Variants in CA10 observed in about 807,000 individuals in gnomAD.
CA10 encodes carbonic anhydrase 10 (inactive), also known as carbonic anhydrase-related protein 10.
A neutral mutation model predicts 44.2 loss-of-function variants in CA10; 14 were observed. That is an observed-to-expected ratio of 0.32 (90% CI 0.21 to 0.50). The LOEUF is 0.50. Among genes scored for constraint, CA10 ranks in the 20% least tolerant of loss-of-function variants. The pLI is 0.99. For missense variants in CA10, 350 were observed against 409.7 expected (o/e 0.85, Z 1.26); for synonymous variants, 159 against 141.6 (o/e 1.12, Z -0.87).
chr17:51,953,170 T>A (rs990277333), intron 2 of CA10, among the ~76,000 whole-genome samples: 1 of 152,174 alleles, frequency 6.6e-6, no homozygotes, highest in African/African-American at 2.4e-5. Flanking sequence ...TGTTTTTACA[T>A]TGAAATATTT....
chr17:51,700,074 G>T (rs549589010), intron 4 of CA10, among the ~76,000 whole-genome samples: 1 of 152,226 alleles, frequency 6.6e-6, no homozygotes, highest in East Asian at 1.9e-4. Context: ...CATGGTTGTG[G>T]CCATCAGGTG....
chr17:51,671,701 G>A (rs9889853), intron 4 of CA10, among the ~76,000 whole-genome samples: 1,661 of 152,252 alleles, frequency 0.011, 37 homozygotes, highest in African/African-American at 0.038. Flanking sequence ...ACCACGCCCG[G>A]CCACATTTGG....
At chr17:51,933,684 A>G (rs1169591160) in intron 2 of CA10, among the ~76,000 whole-genome samples, 4 of 152,140 alleles carry the variant, frequency 2.6e-5, no homozygotes, top group Non-Finnish European at 5.9e-5. Context: ...AACCTCTTTG[A>G]CAATGAAGAC....
intron 3 of CA10, among the ~76,000 whole-genome samples, chr17:51,793,367 A>G (rs1228245776): frequency 6.6e-6 from 1 of 152,236 alleles, no homozygotes; most frequent in African/African-American, 2.4e-5. Flanking sequence ...GGGTGGGTTT[A>G]GGGTTATTTG....
At chr17:52,086,232 C>G (rs146926495) in intron 1 of CA10, among the ~76,000 whole-genome samples, 1 of 152,096 alleles carries the variant, frequency 6.6e-6, no homozygotes, top group African/African-American at 2.4e-5. Flanking sequence ...AGTTTACCTG[C>G]GAGAACAGGC....
intron 4 of CA10, among the ~76,000 whole-genome samples, chr17:51,658,639 G>C (rs2143302450): frequency 6.6e-6 from 1 of 152,280 alleles, no homozygotes; most frequent in African/African-American, 2.4e-5. Flanking sequence ...CTCAAGATGG[G>C]ACCAGTTCAT....
intron 4 of CA10, among the ~76,000 whole-genome samples, chr17:51,690,110 G>A (rs1368855893): frequency 6.6e-6 from 1 of 152,106 alleles, no homozygotes; most frequent in East Asian, 1.9e-4. Flanking sequence ...AACACACCCA[G>A]CTAATTTTTG....
intron 3 of CA10, among the ~76,000 whole-genome samples, chr17:51,904,103 T>G (rs922679555): frequency 2.0e-5 from 3 of 151,694 alleles, no homozygotes; most frequent in Non-Finnish European, 4.4e-5. Context: ...TTGCTCAGGA[T>G]GGAGGGGCTT....
chr17:52,083,328 A>G (rs1183098434), intron 1 of CA10, among the ~76,000 whole-genome samples: 1 of 152,208 alleles, frequency 6.6e-6, no homozygotes, highest in Non-Finnish European at 1.5e-5. Context: ...GTGTGAAATG[A>G]TGGAAAATAC....
intron 2 of CA10, among the ~76,000 whole-genome samples, chr17:52,018,368 C>G (rs956836534): frequency 6.6e-6 from 1 of 152,142 alleles, no homozygotes; most frequent in Non-Finnish European, 1.5e-5. Flanking sequence ...CCCTGCAAAG[C>G]CATAGGGACA....
chr17:51,866,176 C>G (rs1158938541), intron 3 of CA10, among the ~76,000 whole-genome samples: 1 of 152,214 alleles, frequency 6.6e-6, no homozygotes, highest in Non-Finnish European at 1.5e-5. Flanking sequence ...CCTAGTCTGA[C>G]TCATTCTGGT....
chr17:51,882,714 A>T (rs887581847), intron 3 of CA10, among the ~76,000 whole-genome samples: 1 of 152,088 alleles, frequency 6.6e-6, no homozygotes, highest in Admixed American at 6.6e-5. Flanking sequence ...TTCCTACACA[A>T]ACAACTTCAC....
chr17:51,744,267 A>G lies in CA10; in HGVS notation c.465+3366T>C, dbSNP rs527448070. On this transcript the variant is annotated intron_variant, in intron 4 of 8. Transcript: ENST00000451037. ...GAGGTGGAGGTTGCAGTGAACCGAG[A>G]TCATGGCACTGCACTTCAGCCTGGG... Among the ~76,000 whole-genome samples, 116 of 151,832 alleles carry G rather than the reference A, an allele frequency of 7.6e-4. 2 individuals carry two copies. The South Asian group carries it at 0.022, about 28-fold the overall frequency.
chr17:51,674,302 C>A (rs1914537909), intron 4 of CA10, among the ~76,000 whole-genome samples: 1 of 152,178 alleles, frequency 6.6e-6, no homozygotes, highest in Non-Finnish European at 1.5e-5. Flanking sequence ...ACAAGCACAA[C>A]CACTGCAGGG....
chr17:51,854,119 C>T (rs371767953), intron 3 of CA10, among the ~76,000 whole-genome samples: 3 of 152,176 alleles, frequency 2.0e-5, no homozygotes, highest in South Asian at 2.1e-4. Flanking sequence ...ACCTTCATCT[C>T]GCCAAGATTC....
chr17:51,936,144 G>C (rs901010120), intron 2 of CA10, among the ~76,000 whole-genome samples: 2 of 152,142 alleles, frequency 1.3e-5, no homozygotes, highest in African/African-American at 4.8e-5. Flanking sequence ...AGGCATTAGG[G>C]TTGGCACTGA....
At chr17:51,893,301 G>T (rs1043648547) in intron 3 of CA10, among the ~76,000 whole-genome samples, 8 of 152,134 alleles carry the variant, frequency 5.3e-5, no homozygotes, top group African/African-American at 1.9e-4. Flanking sequence ...CGAAGCCAGG[G>T]TTATAGTAAA....
At chr17:51,780,754 T>C (rs951443788) in intron 3 of CA10, among the ~76,000 whole-genome samples, 3 of 152,172 alleles carry the variant, frequency 2.0e-5, no homozygotes, top group Non-Finnish European at 2.9e-5. Flanking sequence ...TCTTATTATG[T>C]CCTGGTGAAA....
In CA10 at chr17:51,631,533, A is replaced by G. The variant is rs781326824; in HGVS notation, c.*51T>C. 141 of 1,541,238 alleles carry G rather than the reference A, an allele frequency of 9.1e-5. No homozygotes were observed. The highest frequency in any genetic ancestry group is 1.2e-4 in the Non-Finnish European group (129 of 1,114,436). Reference sequence around the variant, plus strand: ...AAGGGGGACATTCTAGGTTACGTCAATTCACAGTTGTAGCATTTCACTGAG... The same window carrying G: ...AAGGGGGACATTCTAGGTTACGTCAGTTCACAGTTGTAGCATTTCACTGAG... On this transcript the variant is annotated 3_prime_UTR_variant, in exon 9 of 9. Transcript: ENST00000451037.
Sources: gnomAD v4.1 joint callset for allele counts (sites outside exome capture counted in the v4.1 genomes callset) on GRCh38, gnomAD v4.1.1 for gene constraint, MANE v1.5 for transcripts, NCBI Gene and HGNC (gene_info 2026-07-23, HGNC 2026-07-21) for gene names.